Variants in DPF3 observed in about 807,000 individuals in gnomAD.
DPF3 encodes double PHD fingers 3, also known as zinc finger protein DPF3.
Under a neutral mutation model 56.8 loss-of-function variants are expected in DPF3, and 18 were observed. That is an observed-to-expected ratio of 0.32 (90% confidence interval 0.22 to 0.47). The LOEUF is 0.47. DPF3 is among the 20% of genes least tolerant of loss of function. The pLI is 1.00. For synonymous variants in DPF3, 188 were observed against 180.2 expected, an observed-to-expected ratio of 1.04 and a Z score of -0.35; for missense variants, 403 against 488.8, an observed-to-expected ratio of 0.82 and a Z score of 1.65.
At chr14:72,677,592 C>T (rs957736571) in intron 7 of DPF3, among the ~76,000 whole-genome samples, 3 of 150,190 alleles carry the variant, frequency 2.0e-5, no homozygotes, top group East Asian at 2.0e-4. Flanking sequence ...AGGTCTAACC[C>T]GTTGTTGGAA....
chr14:72,691,595 T>C (rs1216393058), intron 7 of DPF3, among the ~76,000 whole-genome samples: 1 of 151,896 alleles, frequency 6.6e-6, no homozygotes, highest in Non-Finnish European at 1.5e-5. Context: ...GGGGTGGTGA[T>C]GAGTGCCTAT....
intron 6 of DPF3, 83 bp downstream of exon 6, chr14:72,714,340 G>A (rs542960544): frequency 2.4e-5 from 37 of 1,551,708 alleles, no homozygotes; most frequent in South Asian, 5.8e-5. Context: ...GTTGGCAGGC[G>A]GATGGCCAAG....
At chr14:72,765,138 AT>A (rs1891221924) in intron 2 of DPF3, among the ~76,000 whole-genome samples, 2 of 152,244 alleles carry the variant, frequency 1.3e-5, no homozygotes, top group Non-Finnish European at 2.9e-5. Context: ...AAATAAGCAC[AT>A]GTGAAGATGC....
intron 4 of DPF3, among the ~76,000 whole-genome samples, chr14:72,729,010 G>A (rs952530367): frequency 5.9e-5 from 9 of 152,192 alleles, no homozygotes; most frequent in Admixed American, 5.2e-4. Context: ...CACTTTGGGA[G>A]GCCGAAGTGG....
chr14:72,786,524 A>T (rs1025212529), intron 1 of DPF3, among the ~76,000 whole-genome samples: 1 of 152,212 alleles, frequency 6.6e-6, no homozygotes, highest in African/African-American at 2.4e-5. Context: ...CTGAAATGAC[A>T]GAGTCGAGTA....
At chr14:72,732,877 C>T (rs1320054118) in intron 3 of DPF3, among the ~76,000 whole-genome samples, 1 of 151,038 alleles carries the variant, frequency 6.6e-6, no homozygotes, top group East Asian at 2.0e-4. Context: ...TCCATTCTCT[C>T]TTTCTTTCTT....
intron 1 of DPF3, among the ~76,000 whole-genome samples, chr14:72,836,690 A>G (rs1339677326): frequency 6.6e-6 from 1 of 151,520 alleles, no homozygotes; most frequent in Non-Finnish European, 1.5e-5. Flanking sequence ...ACCTCAGAAG[A>G]CTCCACATTC....
intron 1 of DPF3, among the ~76,000 whole-genome samples, chr14:72,878,330 C>T (rs1194846736): frequency 6.6e-6 from 1 of 152,174 alleles, no homozygotes; most frequent in South Asian, 2.1e-4. Context: ...CTAGGCCATC[C>T]TTTTTGAAGG....
chr14:72,694,754 C>T (rs896719031), intron 6 of DPF3, among the ~76,000 whole-genome samples: 3 of 152,202 alleles, frequency 2.0e-5, no homozygotes, highest in Non-Finnish European at 1.5e-5. Context: ...TTTAGTGTTT[C>T]ACTGTTTAGA....
At chr14:72,639,094 G>C (rs1885469624) in intron 8 of DPF3, among the ~76,000 whole-genome samples, 1 of 152,184 alleles carries the variant, frequency 6.6e-6, no homozygotes, top group Non-Finnish European at 1.5e-5. Flanking sequence ...TGGGATTACA[G>C]GCATGAGCCA....
chr14:72,650,768 A>C (rs902251564), intron 8 of DPF3, among the ~76,000 whole-genome samples: 3 of 152,104 alleles, frequency 2.0e-5, no homozygotes, highest in African/African-American at 2.4e-5. Context: ...GGGATGGGTG[A>C]GCTAAGAGGA....
intron 6 of DPF3, among the ~76,000 whole-genome samples, chr14:72,714,194 G>A (rs1010745612): frequency 2.0e-5 from 3 of 152,210 alleles, no homozygotes; most frequent in East Asian, 1.9e-4. Flanking sequence ...AACTGAGGGT[G>A]GGGGCCACCC....
chr14:72,858,953 G>GTGTATA (rs928714208), intron 1 of DPF3, among the ~76,000 whole-genome samples: 1 of 151,952 alleles, frequency 6.6e-6, no homozygotes, highest in Admixed American at 6.6e-5. Flanking sequence ...CTATATATGG[G>GTGTATA]TGTATATGTA....
At chr14:72,803,385 T>G (rs1892963853) in intron 1 of DPF3, among the ~76,000 whole-genome samples, 1 of 152,196 alleles carries the variant, frequency 6.6e-6, no homozygotes. Context: ...TCAGCCCCAG[T>G]GCAGAAGAGT....
chr14:72,811,049 G>GGAGAGCAGGCGTGTCACATGGT (rs1167552246), intron 1 of DPF3, among the ~76,000 whole-genome samples: 5 of 152,232 alleles, frequency 3.3e-5, no homozygotes, highest in Non-Finnish European at 4.4e-5. Context: ...AAGGTGAAAA[G>GGAGAGCAGGCGTGTCACATGGT]GAGAGCAGGC....
At chr14:72,764,500 T>G (rs1337526242) in intron 2 of DPF3, among the ~76,000 whole-genome samples, 1 of 135,906 alleles carries the variant, frequency 7.4e-6, no homozygotes, top group African/African-American at 2.8e-5. Flanking sequence ...TTTTTTTTTT[T>G]TTTTTTTTTT....
rs540078755 is a variant in DPF3, at chr14:72,850,827, G to A, written c.32+43230C>T. ...TGTGCATGTGTGTGTGTGTGCGCAC[G>A]CGCATGTGTGTACCCATGTGAACTC... On this transcript the variant is annotated intron_variant, in intron 1 of 10. Coordinates refer to ENST00000556509, the MANE Select transcript of DPF3 (RefSeq NM_001280542.3). Among the ~76,000 whole-genome samples the A allele has an allele frequency of 7.2e-4, 109 of 152,220 alleles. No individual in the cohort carries two copies. The Middle Eastern group carries it at 0.017, about 24-fold the overall frequency.
At chr14:72,689,556 C>T (rs1210117115) in intron 7 of DPF3, among the ~76,000 whole-genome samples, 1 of 152,224 alleles carries the variant, frequency 6.6e-6, no homozygotes, top group African/African-American at 2.4e-5. Flanking sequence ...ATTCAGCACA[C>T]AGCCCCAGTA....
intron 1 of DPF3, among the ~76,000 whole-genome samples, chr14:72,793,743 A>G (rs1411153089): frequency 6.6e-6 from 1 of 152,244 alleles, no homozygotes; most frequent in African/African-American, 2.4e-5. Flanking sequence ...GCTCCCTTGC[A>G]TAGATGATGC....
Sources: gnomAD v4.1 joint callset for allele counts (sites outside exome capture counted in the v4.1 genomes callset) on GRCh38, gnomAD v4.1.1 for gene constraint, MANE v1.5 for transcripts, NCBI Gene and HGNC (gene_info 2026-07-23, HGNC 2026-07-21) for gene names.